Variants in MYCBPAP observed in about 807,000 individuals in gnomAD.
MYCBPAP encodes the protein MYCBP-associated protein.
Under a neutral mutation model 106.1 loss-of-function variants are expected in MYCBPAP, and 60 were observed. The observed-to-expected ratio is 0.57, with a 90% CI of 0.46 to 0.70. MYCBPAP has a LOEUF of 0.70. Among genes scored for constraint, MYCBPAP ranks in the 30% least tolerant of loss-of-function variants. The pLI, the probability that MYCBPAP is intolerant of heterozygous loss-of-function variation, is 0.00. For missense variants in MYCBPAP, 1,064 were observed against 1,169.3 expected, an observed-to-expected ratio of 0.91 and a Z score of 1.31; for synonymous variants, 407 against 440.6, an observed-to-expected ratio of 0.92 and a Z score of 0.95.
chr17:50,531,465 A>T lies in MYCBPAP; in HGVS notation c.*37A>T. On this transcript the variant is annotated 3_prime_UTR_variant, in exon 19 of 19. Transcript: ENST00000323776. Reference sequence around the variant, plus strand: ...AAGCAACCTTCTGGAAAACGGGTTAATAAATAAATCAATAAAGAACCTTCA... The same window carrying T: ...AAGCAACCTTCTGGAAAACGGGTTATTAAATAAATCAATAAAGAACCTTCA... 8 of 1,492,342 alleles carry T rather than the reference A, an allele frequency of 5.4e-6. No individual in the cohort carries two copies. Among genetic ancestry groups the T allele is most frequent in the Non-Finnish European group, 7.3e-6 (8 of 1,090,800 alleles). 92.4% of individuals were successfully genotyped at this position (1,492,342 alleles called of 1,614,324 possible).
upstream of MYCBPAP, chr17:50,508,409 G>A (rs1263849147): frequency 2.6e-6 from 2 of 760,884 alleles, no homozygotes; most frequent in African/African-American, 1.9e-5. Context: ...GCTCGTCGGC[G>A]CCGCCTGTGG....
At chr17:50,510,473 A>ATGTGTGTG (rs1180380321) in intron 1 of MYCBPAP, 3 of 96,296 alleles carry the variant, frequency 3.1e-5, no homozygotes, top group South Asian at 3.5e-4. Context: ...ATGTGTATAT[A>ATGTGTGTG]TGTGTGTGTG....
rs1403003860 is a variant in MYCBPAP, at chr17:50,508,500, T to C, written c.-175T>C. ...GGCGGCGGGCGCGTGCGCGGCCCGA[T>C]GAAGAAGGAGGTTTCCAAGCCGTCT... On this transcript the variant is annotated 5_prime_UTR_variant, in exon 1 of 19. It removes an upstream start codon present in the reference 5' UTR. Coordinates refer to ENST00000323776, the MANE Select transcript of MYCBPAP (RefSeq NM_032133.6). 4.0e-6 allele frequency: 6 copies of C among 1,509,474 alleles called. No homozygotes were observed. The highest frequency in any genetic ancestry group is 5.3e-6 in the Non-Finnish European group (6 of 1,128,112). The allele number at this position is 1,509,474 out of a possible 1,614,324, so 93.5% of individuals were successfully genotyped here.
At chr17:50,510,499 G>GTGTATGTGTGTATATA (rs1418345705) in intron 1 of MYCBPAP, 3 of 76,414 alleles carry the variant, frequency 3.9e-5, no homozygotes, top group African/African-American at 1.4e-4. Context: ...GTGTGTGTGT[G>GTGTATGTGTGTATATA]TATATATATA....
At chr17:50,523,837 G>A in intron 12 of MYCBPAP, 53 bp downstream of exon 12, 1 of 1,539,804 alleles carries the variant, frequency 6.5e-7, no homozygotes, top group South Asian at 1.2e-5. Context: ...GTATCCTGGT[G>A]TTCTTCCTGG....
chr17:50,522,823 C>G, intron 10 of MYCBPAP, 116 bp from the exon 11 acceptor site: 1 of 986,054 alleles, frequency 1.0e-6, no homozygotes, highest in Non-Finnish European at 1.5e-6. Flanking sequence ...GCCCTGGAGG[C>G]CTGGGACACG....
chr17:50,517,782 G>A (rs2034108165), intron 4 of MYCBPAP, 84 bp downstream of exon 4: 1 of 1,148,458 alleles, frequency 8.7e-7, no homozygotes, highest in Non-Finnish European at 1.3e-6. Flanking sequence ...GCAGGGCTGG[G>A]GTTAAAGAGA....
intron 7 of MYCBPAP, 106 bp from the exon 8 acceptor site, chr17:50,521,004 T>C (rs2034237075): frequency 2.4e-6 from 2 of 844,076 alleles, no homozygotes; most frequent in Non-Finnish European, 3.8e-6. Context: ...TTTTTAGTCC[T>C]TCCTAGAAAT....
intron 1 of MYCBPAP, among the ~76,000 whole-genome samples, chr17:50,512,687 G>A (rs1451831770): frequency 6.6e-6 from 1 of 152,214 alleles, no homozygotes; most frequent in Non-Finnish European, 1.5e-5. Context: ...CTCAAGAGAA[G>A]GAGCCATATC....
intron 18 of MYCBPAP, among the ~76,000 whole-genome samples, chr17:50,530,948 C>T (rs1028352853): frequency 2.0e-5 from 3 of 152,166 alleles, no homozygotes; most frequent in Non-Finnish European, 4.4e-5. Flanking sequence ...CCCAGGAGTT[C>T]GAGACTAGCC....
intron 13 of MYCBPAP, among the ~76,000 whole-genome samples, chr17:50,525,258 G>A (rs184259373): frequency 5.3e-5 from 8 of 152,346 alleles, no homozygotes; most frequent in African/African-American, 1.7e-4. Flanking sequence ...ACTAATGCCT[G>A]ATGATCTGAG....
At chr17:50,508,773 G>T (rs781432596) in intron 1 of MYCBPAP, 23 bp downstream of exon 1, 2 of 1,594,820 alleles carry the variant, frequency 1.3e-6, no homozygotes, top group Non-Finnish European at 1.7e-6. Context: ...TGCCTTGGGC[G>T]CTCGGGAGAA....
At position 50,513,222 on chromosome 17, in the gene MYCBPAP, A is replaced by AG. The variant is rs1337945400; in HGVS notation, c.77-3348_77-3347insG. Among the ~76,000 whole-genome samples the AG allele has an allele frequency of 3.4e-3, 514 of 149,372 alleles. 3 individuals carry two copies. The highest frequency in any genetic ancestry group is 0.012 in the African/African-American group (485 of 40,676). Reference sequence around the variant, plus strand: ...AACAAGAGTGAAACTCCATCTCAAAAAAAAAAAAAAAAAAAAAAGCTGGGC... The same window carrying AG: ...AACAAGAGTGAAACTCCATCTCAAAAGAAAAAAAAAAAAAAAAAAGCTGGGC... On this transcript the variant is annotated intron_variant, in intron 1 of 18. Coordinates refer to ENST00000323776, the MANE Select transcript of MYCBPAP (RefSeq NM_032133.6).
At chr17:50,521,453 G>C (rs1382385951) in intron 9 of MYCBPAP, 22 bp downstream of exon 9, 3 of 1,523,382 alleles carry the variant, frequency 2.0e-6, no homozygotes, top group African/African-American at 1.4e-5. Flanking sequence ...CTGAACCCTG[G>C]GGAGAGAGGC....
chr17:50,514,473 G>A (rs929922189), intron 1 of MYCBPAP, among the ~76,000 whole-genome samples: 1 of 152,146 alleles, frequency 6.6e-6, no homozygotes, highest in East Asian at 1.9e-4. Flanking sequence ...AAATGACAGG[G>A]TTGACCAGCC....
At chr17:50,529,413 A>C in intron 18 of MYCBPAP, 1 of 508,884 alleles carries the variant, frequency 2.0e-6, no homozygotes. Context: ...ATGGAGGCAC[A>C]GAGGCCTCAG....
In MYCBPAP at chr17:50,508,500, TGAA is replaced by T; in HGVS notation, c.-170_-168del. The T allele has an allele frequency of 2.6e-6, 4 of 1,509,582 alleles. No individual in the cohort carries two copies. The highest frequency in any genetic ancestry group is 2.5e-5 in the East Asian group (1 of 39,244). The allele number at this position is 1,509,582 out of a possible 1,614,324, so 93.5% of individuals were successfully genotyped here. A position where few individuals can be genotyped will look rare whatever the true frequency, so the allele number is the denominator to read the frequency against. ...GGCGGCGGGCGCGTGCGCGGCCCGA[TGAA>T]GAAGGAGGTTTCCAAGCCGTCTCCG... On this transcript the variant is annotated 5_prime_UTR_variant, in exon 1 of 19. Coordinates refer to ENST00000323776, the MANE Select transcript of MYCBPAP (RefSeq NM_032133.6).
chr17:50,525,057 T>C, intron 13 of MYCBPAP, 34 bp downstream of exon 13: 3 of 1,592,896 alleles, frequency 1.9e-6, no homozygotes, highest in Non-Finnish European at 2.6e-6. Flanking sequence ...CCCCCTCATG[T>C]GTGCCCTGCG....
chr17:50,517,490 A>G (rs2034095044), intron 3 of MYCBPAP, 38 bp downstream of exon 3: 3 of 1,613,964 alleles, frequency 1.9e-6, no homozygotes, highest in Non-Finnish European at 2.5e-6. Context: ...CTGTCTTTCA[A>G]CTCATGGGTC....
Sources: allele counts gnomAD v4.1 joint callset (sites outside exome capture counted in the v4.1 genomes callset), GRCh38; gene constraint gnomAD v4.1.1; transcripts MANE v1.5; gene names NCBI Gene and HGNC (gene_info 2026-07-23, HGNC 2026-07-21).